Variants in DLGAP2 observed in about 807,000 individuals in gnomAD.
DLGAP2 encodes disks large-associated protein 2.
In DLGAP2, 26 loss-of-function variants were observed where a neutral mutation model predicts 100.3. That is an observed-to-expected ratio of 0.26 (90% CI 0.19 to 0.36). The LOEUF is 0.36. Ranked by LOEUF, DLGAP2 falls within the 10% of genes least tolerant of loss-of-function variation. The probability of loss-of-function intolerance (pLI) is 1.00; values close to 1 mark genes in which losing one functional copy is unlikely to be tolerated. For synonymous variants in DLGAP2, 886 were observed against 630.1 expected, an observed-to-expected ratio of 1.41 and a Z score of -6.08; for missense variants, 1,858 against 1,453.2, an observed-to-expected ratio of 1.28 and a Z score of -4.53.
intron 3 of DLGAP2, among the ~76,000 whole-genome samples, chr8:1,342,947 T>TA (rs200363462): frequency 2.7e-5 from 4 of 149,024 alleles, no homozygotes; most frequent in Admixed American, 2.7e-4. Context: ...TCTTTTTCCG[T>TA]AATTGTAGCC....
At chr8:1,355,671 G>A (rs1801831727) in intron 3 of DLGAP2, among the ~76,000 whole-genome samples, 1 of 152,108 alleles carries the variant, frequency 6.6e-6, no homozygotes, top group South Asian at 2.1e-4. Flanking sequence ...CCAAGTACGA[G>A]TATTTTTTAA....
intron 2 of DLGAP2, among the ~76,000 whole-genome samples, chr8:944,832 C>T (rs1189947311): frequency 6.7e-6 from 1 of 149,372 alleles, no homozygotes; most frequent in Non-Finnish European, 1.5e-5. Flanking sequence ...GGTAATGATC[C>T]CTGCGGGTGA....
intron 2 of DLGAP2, among the ~76,000 whole-genome samples, chr8:1,076,258 C>T (rs368214499): frequency 7.2e-5 from 11 of 152,318 alleles, no homozygotes; most frequent in South Asian, 4.2e-4. Flanking sequence ...GCCTATACCG[C>T]GTGCTGGTGG....
At chr8:1,177,860 T>C (rs1374933661) in intron 2 of DLGAP2, among the ~76,000 whole-genome samples, 1 of 152,144 alleles carries the variant, frequency 6.6e-6, no homozygotes, top group African/African-American at 2.4e-5. Flanking sequence ...CACCTCATAA[T>C]ACCACCACTG....
At chr8:767,828 A>T (rs924602380) in intron 1 of DLGAP2, among the ~76,000 whole-genome samples, 1 of 152,304 alleles carries the variant, frequency 6.6e-6, no homozygotes, top group Admixed American at 6.5e-5. Context: ...AACTGATAGC[A>T]AGGTTTTTAT....
intron 3 of DLGAP2, among the ~76,000 whole-genome samples, chr8:1,286,257 G>GT (rs917665811): frequency 5.7e-4 from 87 of 152,280 alleles, no homozygotes; most frequent in Non-Finnish European, 8.7e-4. Context: ...TGCCATGATT[G>GT]TAAGTTTCCT....
chr8:1,664,318 G>A (rs115560469), intron 8 of DLGAP2, among the ~76,000 whole-genome samples: 2,153 of 152,220 alleles, frequency 0.014, 47 homozygotes, highest in African/African-American at 0.05. Context: ...CCGCTGGCCC[G>A]TCCTACTCCT....
At chr8:1,310,207 G>T (rs898761494) in intron 3 of DLGAP2, among the ~76,000 whole-genome samples, 4 of 151,724 alleles carry the variant, frequency 2.6e-5, no homozygotes, top group Non-Finnish European at 4.4e-5. Context: ...AAATAAAAGG[G>T]AAATCAAAAC....
chr8:1,626,839 C>G lies in DLGAP2; in HGVS notation c.1542C>G (p.Ser514Arg), dbSNP rs2472082. The change falls in exon 7 of 15, where the codon AGC becomes AGG. Residue 514 changes from serine (S) to arginine (R), a missense_variant. Transcript: ENST00000637795. ...CGAAATTCCGCTCCCGGAACCAGAG[C>G]TACATGAGGGCCGTCAGCACCCTGA... ...NSPKFRSRNQ[S>R]YMRAVSTLSQ... 6.2e-7 allele frequency: 1 copy of G among 1,607,256 alleles called. No homozygotes were observed. Among genetic ancestry groups the G allele is most frequent in the Non-Finnish European group, 8.5e-7 (1 of 1,177,050 alleles).
chr8:1,695,702 A>G (rs1160768253), intron 13 of DLGAP2, among the ~76,000 whole-genome samples: 1 of 152,216 alleles, frequency 6.6e-6, no homozygotes, highest in Non-Finnish European at 1.5e-5. Context: ...GTTGGCGAAG[A>G]CTTCTGGAAG....
intron 2 of DLGAP2, among the ~76,000 whole-genome samples, chr8:1,166,238 G>T (rs777495648): frequency 6.6e-6 from 1 of 152,148 alleles, no homozygotes; most frequent in African/African-American, 2.4e-5. Flanking sequence ...CTACCCTCCT[G>T]CTGCCTTCCT....
In DLGAP2 at chr8:1,453,158, G is replaced by A. The variant is rs75148213; in HGVS notation, c.107-48208G>A. ...GGGAACGTCGCAGGTATTGGAGCGCGCTGGGCAGAGGGCTGGGGTGGCCTA... is the reference window on the plus strand; with the variant it reads ...GGGAACGTCGCAGGTATTGGAGCGCACTGGGCAGAGGGCTGGGGTGGCCTA... On this transcript the variant is annotated intron_variant, in intron 3 of 14. Transcript: ENST00000637795. Among the ~76,000 whole-genome samples, 222 of 152,208 alleles carry A rather than the reference G, an allele frequency of 1.5e-3. 1 individual carries two copies. Among genetic ancestry groups the A allele is most frequent in the African/African-American group, 3.7e-3 (153 of 41,540 alleles).
chr8:1,456,028 G>C (rs181093625), intron 3 of DLGAP2, among the ~76,000 whole-genome samples: 1 of 152,138 alleles, frequency 6.6e-6, no homozygotes, highest in East Asian at 1.9e-4. Flanking sequence ...CCCGATGGCC[G>C]CTCGCTGATT....
At chr8:1,435,750 A>G (rs1182436922) in intron 3 of DLGAP2, among the ~76,000 whole-genome samples, 1 of 151,938 alleles carries the variant, frequency 6.6e-6, no homozygotes, top group Non-Finnish European at 1.5e-5. Context: ...TGTCACCGCC[A>G]CTGCCCCTTA....
chr8:1,456,904 G>A (rs1254469901), intron 3 of DLGAP2, among the ~76,000 whole-genome samples: 3 of 138,872 alleles, frequency 2.2e-5, no homozygotes, highest in Non-Finnish European at 3.1e-5. Flanking sequence ...CGATGAGCCC[G>A]GTGCCTGCCC....
intron 6 of DLGAP2, among the ~76,000 whole-genome samples, chr8:1,598,122 C>G (rs1353855246): frequency 3.3e-5 from 5 of 152,168 alleles, no homozygotes; most frequent in Non-Finnish European, 5.9e-5. Flanking sequence ...TTGAGATAAT[C>G]ATGTGGTTTT....
chr8:1,088,748 T>C (rs113917509), intron 2 of DLGAP2, among the ~76,000 whole-genome samples: 7,565 of 65,150 alleles, frequency 0.12, 433 homozygotes, highest in East Asian at 0.22. Flanking sequence ...CTCCCCACCC[T>C]ACTCTCTCCA....
intron 1 of DLGAP2, among the ~76,000 whole-genome samples, chr8:801,291 C>T (rs1038684462): frequency 2.9e-4 from 44 of 152,212 alleles, no homozygotes; most frequent in African/African-American, 9.9e-4. Flanking sequence ...AAAGCATCTC[C>T]GTGAGGAGAT....
At chr8:862,345 C>A (rs1276981242) in intron 1 of DLGAP2, among the ~76,000 whole-genome samples, 1 of 151,488 alleles carries the variant, frequency 6.6e-6, no homozygotes, top group African/African-American at 2.4e-5. Flanking sequence ...CTCTGTCGCC[C>A]AGGCTGGAGT....
Sources: gnomAD v4.1 joint callset for allele counts (sites outside exome capture counted in the v4.1 genomes callset) on GRCh38, gnomAD v4.1.1 for gene constraint, MANE v1.5 for transcripts, NCBI Gene and HGNC (gene_info 2026-07-23, HGNC 2026-07-21) for gene names.